Variants in ADAMTS9 observed in about 807,000 individuals in gnomAD.
The protein encoded by ADAMTS9 is A disintegrin and metalloproteinase with thrombospondin motifs 9.
ADAMTS9 carries 107 observed loss-of-function variants against 257.1 expected under a neutral mutation model. That is an observed-to-expected ratio of 0.42 (90% CI 0.36 to 0.49). The LOEUF is 0.49. ADAMTS9 is among the 20% of genes least tolerant of loss of function. The pLI is 0.03. For synonymous variants in ADAMTS9, 982 were observed against 880.9 expected (o/e 1.11, Z -2.03); for missense variants, 2,353 against 2,469.1 (o/e 0.95, Z 1.00).
intron 12 of ADAMTS9, among the ~76,000 whole-genome samples, chr3:64,636,539 G>A (rs1298777571): frequency 6.6e-6 from 1 of 152,200 alleles, no homozygotes; most frequent in East Asian, 1.9e-4. Context: ...GTGGCTCACA[G>A]TAAGTGATTA....
At chr3:64,662,251 T>C (rs1701241445) in intron 3 of ADAMTS9, among the ~76,000 whole-genome samples, 1 of 152,152 alleles carries the variant, frequency 6.6e-6, no homozygotes, top group African/African-American at 2.4e-5. Flanking sequence ...CTAATTTTGT[T>C]ACATTGTGAT....
intron 21 of ADAMTS9, among the ~76,000 whole-genome samples, chr3:64,613,993 T>C (rs1314535736): frequency 6.6e-6 from 1 of 152,176 alleles, no homozygotes; most frequent in Non-Finnish European, 1.5e-5. Flanking sequence ...CCAAATGTAA[T>C]CATCATTTTA....
At chr3:64,630,141 AAG>A (rs1258158932) in intron 16 of ADAMTS9, among the ~76,000 whole-genome samples, 2 of 111,390 alleles carry the variant, frequency 1.8e-5, no homozygotes, top group African/African-American at 8.1e-5. Context: ...TGCGGCTGGG[AAG>A]AGTTTTGTGT....
intron 4 of ADAMTS9, among the ~76,000 whole-genome samples, chr3:64,657,070 T>C (rs1023433389): frequency 6.6e-6 from 1 of 152,144 alleles, no homozygotes; most frequent in African/African-American, 2.4e-5. Flanking sequence ...ATACAGTATG[T>C]GAAAATGCCT....
At chr3:64,528,328 A>G (rs12488809) in intron 38 of ADAMTS9, among the ~76,000 whole-genome samples, 12,069 of 152,140 alleles carry the variant, frequency 0.079, 1,391 homozygotes, top group Admixed American at 0.3. Flanking sequence ...TCACATTCCC[A>G]CACGTTGGAG....
chr3:64,582,190 G>A (rs1296906798), intron 28 of ADAMTS9, among the ~76,000 whole-genome samples: 1 of 152,178 alleles, frequency 6.6e-6, no homozygotes, highest in Non-Finnish European at 1.5e-5. Flanking sequence ...AAGATTTGCA[G>A]AGTGGAAAAG....
intron 12 of ADAMTS9, among the ~76,000 whole-genome samples, chr3:64,641,446 A>C (rs1459442801): frequency 6.8e-6 from 1 of 147,230 alleles, no homozygotes; most frequent in Non-Finnish European, 1.5e-5. Flanking sequence ...CATTAGGTAT[A>C]TCTCCTAATG....
Position 64,594,259 on chromosome 3 carries a change from G to A in ADAMTS9, c.4355C>T (p.Ser1452Leu), listed in dbSNP as rs1217544494. The stretch of plus-strand genomic sequence containing the variant: ...AAACATGAATAGTTAGGGCCGTACC[G>A]AGCTCCAAGGGCCAGTACTCCATGC... ...DAAWSTGPWS[S>L]CSVSCGRGHK... Residue 1452 changes from serine to leucine, a missense_variant and splice_region_variant, in exon 28 of 40, where the codon TCG becomes TTG. Ser to Leu is a moderately radical substitution (Grantham distance 145, BLOSUM62 -2). Coordinates refer to ENST00000498707, the MANE Select transcript of ADAMTS9 (RefSeq NM_182920.2). 14 of 1,613,046 alleles carry A rather than the reference G, an allele frequency of 8.7e-6. No homozygotes were observed. Among genetic ancestry groups the A allele is most frequent in the South Asian group, 2.2e-5 (2 of 91,000 alleles).
chr3:64,582,208 G>T (rs1342853824), intron 28 of ADAMTS9, among the ~76,000 whole-genome samples: 7 of 152,168 alleles, frequency 4.6e-5, no homozygotes, highest in African/African-American at 1.2e-4. Flanking sequence ...AAGAGGAGGT[G>T]CGAGGAGGTA....
At chr3:64,527,093 A>C (rs2082920011) in intron 38 of ADAMTS9, among the ~76,000 whole-genome samples, 1 of 152,250 alleles carries the variant, frequency 6.6e-6, no homozygotes, top group Admixed American at 6.5e-5. Flanking sequence ...ACACGGAGCA[A>C]GTAAATACCA....
chr3:64,541,533 A>G lies in ADAMTS9; in HGVS notation c.5285T>C (p.Leu1762Pro). The G allele has an allele frequency of 6.2e-7, 1 of 1,613,942 alleles. No homozygotes were observed. The highest frequency in any genetic ancestry group is 8.5e-7 in the Non-Finnish European group (1 of 1,179,768). Residue 1762 changes from leucine (L) to proline (P), a missense_variant, in exon 34 of 40, where the codon CTT becomes CCT. This residue lies in a region of ADAMTS9 where 1,402 missense variants were observed against 1,441.4 expected (regional missense o/e 0.97). Transcript: ENST00000498707. ...GEYFLMIRGK[L>P]LKIFCAGMHS... is the part of the protein sequence containing the mutation. ...CTGGTGTCTGACATTCACCTTCAGA[A>G]GCTTTCCTCTAATCATCAGGAAATA...
chr3:64,556,924 T>C (rs1014769315), intron 30 of ADAMTS9, among the ~76,000 whole-genome samples: 3 of 152,198 alleles, frequency 2.0e-5, no homozygotes, highest in Non-Finnish European at 2.9e-5. Flanking sequence ...GTAGGTACCA[T>C]GTTAAATGAT....
chr3:64,651,866 TA>T (rs1270665712), intron 8 of ADAMTS9, among the ~76,000 whole-genome samples: 3 of 152,284 alleles, frequency 2.0e-5, no homozygotes, highest in African/African-American at 7.2e-5. Context: ...AAAGGGTTCT[TA>T]AATTAATCCA....
intron 28 of ADAMTS9, among the ~76,000 whole-genome samples, chr3:64,578,050 T>C (rs750612949): frequency 7.9e-5 from 12 of 152,180 alleles, no homozygotes; most frequent in Non-Finnish European, 1.5e-5. Context: ...AATTTACTTG[T>C]GGGTGGATAT....
chr3:64,627,696 C>CAAA (rs1700260250), intron 16 of ADAMTS9, among the ~76,000 whole-genome samples: 1 of 152,116 alleles, frequency 6.6e-6, no homozygotes, highest in Non-Finnish European at 1.5e-5. Flanking sequence ...GAGCTAATTT[C>CAAA]CTGGGTTGGT....
Position 64,518,763 on chromosome 3 carries a change from CAT to C in ADAMTS9, c.*6-1644_*6-1643del, listed in dbSNP as rs1491374166. 1.6e-4 allele frequency among the ~76,000 whole-genome samples: 14 copies of C among 88,732 alleles called. No homozygotes were observed. The East Asian group carries it at 3.9e-3, about 25-fold the overall frequency. 58.2% of individuals were successfully genotyped at this position (88,732 alleles called of 152,430 possible). A position where few individuals can be genotyped will look rare whatever the true frequency, so the allele number is the denominator to read the frequency against. On this transcript the variant is annotated intron_variant, in intron 39 of 39. Coordinates refer to ENST00000498707, the MANE Select transcript of ADAMTS9 (RefSeq NM_182920.2). ...CCGAGGGAATTTATCATTACCTTTT[CAT>C]TTTTTTTTTTTTTTTTTTTTTTTTT...
intron 12 of ADAMTS9, among the ~76,000 whole-genome samples, chr3:64,634,399 A>G (rs570480385): frequency 1.6e-4 from 24 of 152,316 alleles, no homozygotes; most frequent in African/African-American, 5.8e-4. Context: ...CCCTCTCTCC[A>G]GACAACCATT....
At chr3:64,544,577 CTG>C (rs1311638283) in intron 32 of ADAMTS9, among the ~76,000 whole-genome samples, 1 of 152,064 alleles carries the variant, frequency 6.6e-6, no homozygotes, top group African/African-American at 2.4e-5. Context: ...AAAGCTGAAA[CTG>C]GATCCCTTCC....
intron 39 of ADAMTS9, among the ~76,000 whole-genome samples, chr3:64,517,415 G>GGTTTTTTTTTTTTTTT (rs2082789027): frequency 1.7e-4 from 2 of 11,544 alleles, no homozygotes; most frequent in Non-Finnish European, 6.0e-4. Flanking sequence ...AATTAAAAAT[G>GGTTTTTTTTTTTTTTT]GTTTTTTTTT....
Sources: gnomAD v4.1 joint callset for allele counts (sites outside exome capture counted in the v4.1 genomes callset) on GRCh38, gnomAD v4.1.1 for gene constraint, gnomAD v4.1.1 regional missense constraint, MANE v1.5 for transcripts, NCBI Gene and HGNC (gene_info 2026-07-23, HGNC 2026-07-21) for gene names.